COL5A1: variants seen among roughly 807,000 people sequenced by gnomAD.
COL5A1 encodes the protein collagen alpha-1(V) chain.
A neutral mutation model predicts 263.7 loss-of-function variants in COL5A1; 16 were observed. The observed-to-expected ratio is 0.06, with a 90% CI of 0.04 to 0.09. The LOEUF (loss-of-function observed/expected upper bound fraction) is 0.09. Among genes scored for constraint, COL5A1 ranks in the 10% least tolerant of loss-of-function variants. The pLI is 1.00. For synonymous variants in COL5A1, 1,012 were observed against 1,004.5 expected (o/e 1.01, Z -0.14); for missense variants, 2,036 against 2,540.5 (o/e 0.80, Z 4.27).
chr9:134,644,592 G>GT (rs1311415778), intron 1 of COL5A1, among the ~76,000 whole-genome samples: 3 of 137,830 alleles, frequency 2.2e-5, no homozygotes, highest in African/African-American at 9.0e-5. Flanking sequence ...GCAGGCGCGG[G>GT]GGGGAGCCAC....
chr9:134,775,855 A>G (rs1414575515), intron 27 of COL5A1, among the ~76,000 whole-genome samples: 1 of 152,186 alleles, frequency 6.6e-6, no homozygotes, highest in Non-Finnish European at 1.5e-5. Context: ...TATGCTTTTC[A>G]AACATTGTTG....
intron 4 of COL5A1, among the ~76,000 whole-genome samples, chr9:134,703,286 G>A (rs773055646): frequency 1.3e-5 from 2 of 152,186 alleles, no homozygotes; most frequent in East Asian, 1.9e-4. Flanking sequence ...CTGCCTAGGC[G>A]CCTGGAAGGA....
rs1840007439 is a variant in COL5A1, at chr9:134,841,029, G to A, written c.5371-1128G>A. Among the ~76,000 whole-genome samples, 1 of 152,226 alleles carries A rather than the reference G, an allele frequency of 6.6e-6. No individual in the cohort carries two copies. The highest frequency in any genetic ancestry group is 2.1e-4 in the South Asian group (1 of 4,830). ...TGCTATCCGAATCTCCGGCCTGGGA[G>A]TCTGCGCTGGGCCCTCTGCAGGGCT... On this transcript the variant is annotated intron_variant, in intron 65 of 65. Transcript: ENST00000371817. This position sits in a 1 kb window ranked among gnomAD's most constrained non-coding sequence, Gnocchi z 4.8.
At position 134,754,944 on chromosome 9, in the gene COL5A1, C is replaced by T. The variant is rs1408605008; in HGVS notation, c.1827+618C>T. On this transcript the variant is annotated intron_variant, in intron 16 of 65. Coordinates refer to ENST00000371817, the MANE Select transcript of COL5A1 (RefSeq NM_000093.5). The surrounding 1 kb of genome is among the most constrained non-coding windows in gnomAD (Gnocchi z 4.3). ...CTGGTGAACGAGAGAAATTTCGGTG[C>T]AGGGTTGGATTTGTTTCAGTGTGGA... 2.0e-5 allele frequency among the ~76,000 whole-genome samples: 3 copies of T among 152,120 alleles called. No homozygotes were observed. The highest frequency in any genetic ancestry group is 2.9e-5 in the Non-Finnish European group (2 of 68,030).
chr9:134,684,166 C>A (rs368346038), intron 1 of COL5A1, among the ~76,000 whole-genome samples: 60 of 152,322 alleles, frequency 3.9e-4, no homozygotes, highest in African/African-American at 1.4e-3. Context: ...AGGCTGTGAC[C>A]GGGCCGAAGT....
intron 4 of COL5A1, among the ~76,000 whole-genome samples, chr9:134,702,344 G>A (rs901235702): frequency 6.6e-6 from 1 of 152,236 alleles, no homozygotes; most frequent in African/African-American, 2.4e-5. Flanking sequence ...GGGCTGCAGA[G>A]ATGGGACAAG....
intron 32 of COL5A1, among the ~76,000 whole-genome samples, chr9:134,793,384 T>TA (rs1554801153): frequency 2.0e-5 from 3 of 151,230 alleles, no homozygotes; most frequent in East Asian, 2.0e-4. Flanking sequence ...CTAAGGAGGC[T>TA]GGGGGGGGCA....
In COL5A1 at chr9:134,754,386, A is replaced by G; in HGVS notation, c.1827+60A>G. 1 of 1,596,750 alleles carries G rather than the reference A, an allele frequency of 6.3e-7. No individual in the cohort carries two copies. On this transcript the variant is annotated intron_variant, in intron 16 of 65. Coordinates refer to ENST00000371817, the MANE Select transcript of COL5A1 (RefSeq NM_000093.5). This position sits in a 1 kb window ranked among gnomAD's most constrained non-coding sequence, Gnocchi z 4.3. ...CAGCTTGGGCGCTGGAGGAGCCCAAATCTGGGGTGCGGGCACCCCCAACAG... is the reference window on the plus strand; with the variant it reads ...CAGCTTGGGCGCTGGAGGAGCCCAAGTCTGGGGTGCGGGCACCCCCAACAG...
In COL5A1 at chr9:134,842,073, C is replaced by A; in HGVS notation, c.5371-84C>A. ...AGGACACCAGCCTGGGTTTTGGAGC[C>A]AGACAGATTGTGGGGGGTGATTGGT... On this transcript the variant is annotated intron_variant, in intron 65 of 65. Coordinates refer to ENST00000371817, the MANE Select transcript of COL5A1 (RefSeq NM_000093.5). This position sits in a 1 kb window ranked among gnomAD's most constrained non-coding sequence, Gnocchi z 5.8. 1 of 1,545,744 alleles carries A rather than the reference C, an allele frequency of 6.5e-7. No individual in the cohort carries two copies. Among genetic ancestry groups the A allele is most frequent in the African/African-American group, 1.4e-5 (1 of 73,370 alleles).
In COL5A1 at chr9:134,822,401, C is replaced by T. The variant is rs549845315; in HGVS notation, c.4608+251C>T. 7.2e-5 allele frequency among the ~76,000 whole-genome samples: 11 copies of T among 152,276 alleles called. No individual in the cohort carries two copies. In the East Asian group the frequency reaches 1.2e-3, roughly 16 times the overall value. ...AGGAAACGGTGGCCATTTCAGGGAA[C>T]GAGGCCACTTGTCTGTAGGCATCTG... On this transcript the variant is annotated intron_variant, in intron 59 of 65. Coordinates refer to ENST00000371817, the MANE Select transcript of COL5A1 (RefSeq NM_000093.5).
intron 1 of COL5A1, among the ~76,000 whole-genome samples, chr9:134,655,428 G>A (rs980079784): frequency 2.1e-4 from 32 of 152,134 alleles, no homozygotes; most frequent in African/African-American, 7.2e-4. Flanking sequence ...GCTGTGCAGC[G>A]TCCTCATGAG....
Position 134,821,946 on chromosome 9 carries a change from G to A in COL5A1, c.4555-151G>A, listed in dbSNP as rs1588592559. ...CCCTGACATGCACAGCCCAGGATCAGAAAGCAGCCACAGGAGGCTGCTGAG... is the reference window on the plus strand; with the variant it reads ...CCCTGACATGCACAGCCCAGGATCAAAAAGCAGCCACAGGAGGCTGCTGAG... On this transcript the variant is annotated intron_variant, in intron 58 of 65. Coordinates refer to ENST00000371817, the MANE Select transcript of COL5A1 (RefSeq NM_000093.5). The surrounding 1 kb of genome is among the most constrained non-coding windows in gnomAD (Gnocchi z 4.2). 1.3e-6 allele frequency: 1 copy of A among 745,108 alleles called. No homozygotes were observed. 46.2% of individuals were successfully genotyped at this position (745,108 alleles called of 1,614,324 possible).
rs1207997907 is a variant in COL5A1, at chr9:134,642,168, C to G, written c.-20C>G. ...GCGCCTCCGAGCGCCCCTGTGCGCCCCGGCCCGCGCCCCGCCGGCATGGAC... is the reference window on the plus strand; with the variant it reads ...GCGCCTCCGAGCGCCCCTGTGCGCCGCGGCCCGCGCCCCGCCGGCATGGAC... On this transcript the variant is annotated 5_prime_UTR_variant, in exon 1 of 66. Transcript: ENST00000371817. The surrounding 1 kb of genome is among the most constrained non-coding windows in gnomAD (Gnocchi z 4.5). 40 of 1,248,334 alleles carry G rather than the reference C, an allele frequency of 3.2e-5. No individual in the cohort carries two copies. The Middle Eastern group carries it at 1.9e-3, about 58-fold the overall frequency. 77.3% of individuals were successfully genotyped at this position (1,248,334 alleles called of 1,614,324 possible).
chr9:134,754,136 C>T lies in COL5A1; in HGVS notation c.1774-137C>T, dbSNP rs755594018. The stretch of plus-strand genomic sequence containing the variant: ...CATTCTGGGCAGCAGATCCGTGTCC[C>T]GTCCCCGAAGTGCCCACATGTTTGT... On this transcript the variant is annotated intron_variant, in intron 15 of 65. Coordinates refer to ENST00000371817, the MANE Select transcript of COL5A1 (RefSeq NM_000093.5). This position sits in a 1 kb window ranked among gnomAD's most constrained non-coding sequence, Gnocchi z 4.3. 2.7e-5 allele frequency: 25 copies of T among 941,012 alleles called. No homozygotes were observed. Among genetic ancestry groups the T allele is most frequent in the Admixed American group, 1.3e-4 (7 of 52,456 alleles). The allele number at this position is 941,012 out of a possible 1,614,324, so 58.3% of individuals were successfully genotyped here. A position where few individuals can be genotyped will look rare whatever the true frequency, so the allele number is the denominator to read the frequency against.
chr9:134,648,926 C>T (rs1246564859), intron 1 of COL5A1, among the ~76,000 whole-genome samples: 1 of 152,192 alleles, frequency 6.6e-6, no homozygotes, highest in Non-Finnish European at 1.5e-5. Flanking sequence ...CCCCTGCCTC[C>T]TCTGGCCACT....
At chr9:134,767,652 C>G (rs1836725770) in intron 24 of COL5A1, among the ~76,000 whole-genome samples, 1 of 152,238 alleles carries the variant, frequency 6.6e-6, no homozygotes, top group African/African-American at 2.4e-5. Context: ...TATTGTGTAT[C>G]TGAAATTCAA....
At chr9:134,806,145 G>A in intron 41 of COL5A1, 44 bp from the exon 42 acceptor site, 1 of 1,431,334 alleles carries the variant, frequency 7.0e-7, no homozygotes, top group Non-Finnish European at 9.6e-7. Flanking sequence ...CGACCACGCA[G>A]TCTGAGAGCC....
chr9:134,784,200 C>T (rs1385383194), intron 29 of COL5A1, among the ~76,000 whole-genome samples: 5 of 152,184 alleles, frequency 3.3e-5, no homozygotes, highest in South Asian at 2.1e-4. Flanking sequence ...GTTCCTGACC[C>T]GATGACAGAT....
intron 9 of COL5A1, among the ~76,000 whole-genome samples, chr9:134,737,127 ACT>A (rs1156269499): frequency 1.3e-5 from 2 of 151,634 alleles, no homozygotes; most frequent in Non-Finnish European, 2.9e-5. Flanking sequence ...ATCCCAGGGA[ACT>A]CTCTGCAGAG....
Sources: gnomAD v4.1 joint callset for allele counts (sites outside exome capture counted in the v4.1 genomes callset) on GRCh38, gnomAD v4.1.1 for gene constraint, Gnocchi (gnomAD v3.1) non-coding constraint, MANE v1.5 for transcripts, NCBI Gene and HGNC (gene_info 2026-07-23, HGNC 2026-07-21) for gene names.